Variants in EPSTI1 observed in about 807,000 individuals in gnomAD.
EPSTI1 encodes the protein epithelial-stromal interaction protein 1.
A neutral mutation model predicts 49.9 loss-of-function variants in EPSTI1; 66 were observed. That is an observed-to-expected ratio of 1.32 (90% CI 1.08 to 1.62). The LOEUF is 1.62. Among genes scored for constraint, EPSTI1 ranks in the 40% most tolerant of loss-of-function variants. The probability of loss-of-function intolerance (pLI) is 0.00; values close to 1 mark genes in which losing one functional copy is unlikely to be tolerated. For synonymous variants in EPSTI1, 137 were observed against 130.7 expected (o/e 1.05, Z -0.33); for missense variants, 394 against 365.5 (o/e 1.08, Z -0.64).
chr13:42,955,576 C>T (rs1158441341), intron 5 of EPSTI1, among the ~76,000 whole-genome samples: 3 of 152,114 alleles, frequency 2.0e-5, no homozygotes, highest in Middle Eastern at 3.4e-3. Context: ...CCGAGGCGGG[C>T]GGATCATCTG....
At chr13:42,945,303 C>G (rs925501670) in intron 6 of EPSTI1, among the ~76,000 whole-genome samples, 8 of 152,148 alleles carry the variant, frequency 5.3e-5, no homozygotes, top group Non-Finnish European at 1.0e-4. Context: ...ATCACAAGAA[C>G]AGCAATGGGA....
chr13:42,912,138 C>T (rs757544540), intron 8 of EPSTI1, among the ~76,000 whole-genome samples: 28 of 152,138 alleles, frequency 1.8e-4, no homozygotes, highest in Non-Finnish European at 2.5e-4. Context: ...ATCAGCTTAT[C>T]ACATATTTTA....
At chr13:42,944,469 C>A (rs573601805) in intron 6 of EPSTI1, among the ~76,000 whole-genome samples, 1 of 151,710 alleles carries the variant, frequency 6.6e-6, no homozygotes, top group Non-Finnish European at 1.5e-5. Flanking sequence ...AGTTGAACAA[C>A]GAGAACACAT....
rs557040825 is a variant in EPSTI1, at chr13:42,898,474, C to T, written c.815+1836G>A. On this transcript the variant is annotated intron_variant, in intron 9 of 10. Transcript: ENST00000313624. ...TAAAATATATATTTAATGACTTGAT[C>T]AGATACTTCAAAACTAATTACTGAG... Among the ~76,000 whole-genome samples the T allele has an allele frequency of 2.6e-5, 4 of 152,268 alleles. No individual in the cohort carries two copies. In the South Asian group the frequency reaches 8.3e-4, roughly 32 times the overall value.
At chr13:42,951,025 C>T (rs1331998568) in intron 6 of EPSTI1, among the ~76,000 whole-genome samples, 1 of 152,062 alleles carries the variant, frequency 6.6e-6, no homozygotes, top group Non-Finnish European at 1.5e-5. Flanking sequence ...GGTGTGGTGG[C>T]ATTCACCTGT....
At chr13:42,987,760 G>A (rs981889098) in intron 1 of EPSTI1, among the ~76,000 whole-genome samples, 3 of 152,060 alleles carry the variant, frequency 2.0e-5, no homozygotes, top group East Asian at 1.9e-4. Flanking sequence ...AGCTTCATAA[G>A]GGCTTATTTT....
intron 2 of EPSTI1, chr13:42,970,272 A>C (rs555747470): frequency 1.1e-4 from 20 of 179,228 alleles, no homozygotes; most frequent in Non-Finnish European, 2.0e-4. Flanking sequence ...TCAATTAAAC[A>C]TGTTATGTAC....
At position 42,888,430 on chromosome 13, in the gene EPSTI1, A is replaced by G; in HGVS notation, c.*64T>C. On this transcript the variant is annotated 3_prime_UTR_variant, in exon 11 of 11. Coordinates refer to ENST00000313624, the MANE Select transcript of EPSTI1 (RefSeq NM_033255.5). ...TGAGGCTGAACAAAATCACATTAAG[A>G]AAAAGCATCTCATGAGGCTTTTCGA... is the stretch of plus-strand genomic sequence containing the variant. The G allele has an allele frequency of 1.2e-6, 2 of 1,614,148 alleles. No individual in the cohort carries two copies. The highest frequency in any genetic ancestry group is 1.1e-5 in the South Asian group (1 of 91,084).
chr13:42,956,754 A>T (rs2039285877), intron 5 of EPSTI1, among the ~76,000 whole-genome samples: 1 of 152,214 alleles, frequency 6.6e-6, no homozygotes, highest in African/African-American at 2.4e-5. Context: ...AACGTTTTTA[A>T]TATACAAAGG....
In EPSTI1 at chr13:42,888,326, T is replaced by G. The variant is rs370067754; in HGVS notation, c.*168A>C. The G allele has an allele frequency of 6.2e-7, 1 of 1,614,024 alleles. No homozygotes were observed. The highest frequency in any genetic ancestry group is 8.5e-7 in the Non-Finnish European group (1 of 1,179,976). On this transcript the variant is annotated 3_prime_UTR_variant, in exon 11 of 11. Coordinates refer to ENST00000313624, the MANE Select transcript of EPSTI1 (RefSeq NM_033255.5). Reference sequence around the variant, plus strand: ...AGGAATCAGCTCCTCCAAACATGCATAAATGAGGACAAGGAGAAGCCAGTC... The same window carrying G: ...AGGAATCAGCTCCTCCAAACATGCAGAAATGAGGACAAGGAGAAGCCAGTC...
At chr13:42,991,839 A>T in intron 1 of EPSTI1, 139 bp downstream of exon 1, 1 of 958,572 alleles carries the variant, frequency 1.0e-6, no homozygotes, top group Non-Finnish European at 1.6e-6. Flanking sequence ...ACTTTCATTT[A>T]AGCAAATGAG....
intron 8 of EPSTI1, among the ~76,000 whole-genome samples, chr13:42,906,962 G>T (rs2037516181): frequency 6.6e-6 from 1 of 152,128 alleles, no homozygotes; most frequent in Admixed American, 6.6e-5. Context: ...ATGATCTCAT[G>T]CATTTATCAT....
intron 5 of EPSTI1, among the ~76,000 whole-genome samples, chr13:42,961,936 T>G (rs539191711): frequency 6.6e-6 from 1 of 152,322 alleles, no homozygotes; most frequent in Non-Finnish European, 1.5e-5. Context: ...AAAATATAAG[T>G]GCTCCATAAG....
intron 6 of EPSTI1, among the ~76,000 whole-genome samples, chr13:42,932,531 A>G (rs2038410905): frequency 6.6e-6 from 1 of 151,990 alleles, no homozygotes; most frequent in African/African-American, 2.4e-5. Flanking sequence ...AAGTCTCTCG[A>G]TCTTTATCCA....
intron 6 of EPSTI1, among the ~76,000 whole-genome samples, chr13:42,939,046 T>G (rs2038663352): frequency 6.6e-6 from 1 of 152,166 alleles, no homozygotes; most frequent in African/African-American, 2.4e-5. Context: ...ATTATGGAGC[T>G]GGCTTCTTCC....
chr13:42,889,114 G>A (rs1247370909), intron 10 of EPSTI1: 2 of 985,760 alleles, frequency 2.0e-6, no homozygotes, highest in Non-Finnish European at 3.1e-6. Flanking sequence ...AACTGCCCCT[G>A]AAGACATAGG....
chr13:42,991,830 C>A, intron 1 of EPSTI1, 148 bp downstream of exon 1: 1 of 893,706 alleles, frequency 1.1e-6, no homozygotes. Context: ...GGCATGGATA[C>A]TTTCATTTAA....
At chr13:42,894,560 G>A (rs1394008242) in intron 10 of EPSTI1, among the ~76,000 whole-genome samples, 1 of 151,106 alleles carries the variant, frequency 6.6e-6, no homozygotes, top group Non-Finnish European at 1.5e-5. Flanking sequence ...TTGCTATAGG[G>A]TTTCTAAAAA....
At chr13:42,974,401 T>C (rs2039834718) in intron 1 of EPSTI1, among the ~76,000 whole-genome samples, 1 of 152,124 alleles carries the variant, frequency 6.6e-6, no homozygotes, top group Non-Finnish European at 1.5e-5. Flanking sequence ...CTCACGCCTG[T>C]AATCCCAGCA....
Sources: allele counts gnomAD v4.1 joint callset (sites outside exome capture counted in the v4.1 genomes callset), GRCh38; gene constraint gnomAD v4.1.1; transcripts MANE v1.5; gene names NCBI Gene and HGNC (gene_info 2026-07-23, HGNC 2026-07-21).